AGBL4: variants seen among roughly 807,000 people sequenced by gnomAD.
AGBL4 encodes the protein AGBL carboxypeptidase 4.
A neutral mutation model predicts 66.4 loss-of-function variants in AGBL4; 58 were observed. That is an observed-to-expected ratio of 0.87 (90% CI 0.71 to 1.09). The LOEUF (loss-of-function observed/expected upper bound fraction) is 1.09, where lower values mean the gene tolerates loss of function less well. AGBL4 is among the 50% of genes least tolerant of loss of function. The pLI, the probability that AGBL4 is intolerant of heterozygous loss-of-function variation, is 0.00. For synonymous variants in AGBL4, 234 were observed against 222.9 expected, an observed-to-expected ratio of 1.05 and a Z score of -0.44; for missense variants, 579 against 631.0, an observed-to-expected ratio of 0.92 and a Z score of 0.88.
intron 6 of AGBL4, among the ~76,000 whole-genome samples, chr1:48,844,284 A>G (rs1404510674): frequency 6.6e-6 from 1 of 152,132 alleles, no homozygotes; most frequent in Non-Finnish European, 1.5e-5. Context: ...GCTATCCCTC[A>G]GTCCTACATC....
At chr1:49,396,080 G>A (rs1320851430) in intron 3 of AGBL4, among the ~76,000 whole-genome samples, 1 of 151,380 alleles carries the variant, frequency 6.6e-6, no homozygotes, top group African/African-American at 2.4e-5. Context: ...CTGCATCAGA[G>A]TTACTTTTTG....
intron 3 of AGBL4, among the ~76,000 whole-genome samples, chr1:49,654,660 C>G (rs1347561885): frequency 6.6e-6 from 1 of 152,136 alleles, no homozygotes; most frequent in Non-Finnish European, 1.5e-5. Flanking sequence ...TTGAATTGAT[C>G]GCTTTATCAT....
intron 3 of AGBL4, among the ~76,000 whole-genome samples, chr1:49,359,866 G>T (rs569685344): frequency 2.6e-5 from 4 of 151,936 alleles, no homozygotes; most frequent in Admixed American, 2.0e-4. Context: ...ATCCTGGTTC[G>T]CCCAGAACCG....
At chr1:49,408,681 C>CT (rs1270955107) in intron 3 of AGBL4, among the ~76,000 whole-genome samples, 1 of 152,216 alleles carries the variant, frequency 6.6e-6, no homozygotes, top group Non-Finnish European at 1.5e-5. Context: ...ACATCAGACT[C>CT]TGAGTTCTTC....
At position 48,654,796 on chromosome 1, in the gene AGBL4, T is replaced by C. The variant is rs149215567; in HGVS notation, c.725-1345A>G. 5.9e-5 allele frequency among the ~76,000 whole-genome samples: 9 copies of C among 152,326 alleles called. No homozygotes were observed. The East Asian group carries it at 1.5e-3, about 26-fold the overall frequency. ...TCATTAGGCCAGGGCTGAGAATCCATAGGCAGCTGAAAGCCAGTTGGACAT... is the reference window on the plus strand; with the variant it reads ...TCATTAGGCCAGGGCTGAGAATCCACAGGCAGCTGAAAGCCAGTTGGACAT... On this transcript the variant is annotated intron_variant, in intron 7 of 13. Transcript: ENST00000371839.
At chr1:48,682,497 C>CT (rs2148481427) in intron 6 of AGBL4, among the ~76,000 whole-genome samples, 1 of 152,036 alleles carries the variant, frequency 6.6e-6, no homozygotes, top group African/African-American at 2.4e-5. Context: ...CAGCCTCAAC[C>CT]TCCTGAGCTC....
At chr1:49,657,386 T>G (rs1226847635) in intron 3 of AGBL4, among the ~76,000 whole-genome samples, 1 of 152,192 alleles carries the variant, frequency 6.6e-6, no homozygotes, top group African/African-American at 2.4e-5. Context: ...GAACATTCCA[T>G]GCTCACGGAT....
At chr1:48,921,236 G>A (rs1199947300) in intron 5 of AGBL4, among the ~76,000 whole-genome samples, 1 of 152,202 alleles carries the variant, frequency 6.6e-6, no homozygotes, top group Non-Finnish European at 1.5e-5. Context: ...ACTGGCATGT[G>A]AGGAAGCAGG....
At chr1:49,300,858 T>C (rs1327259849) in intron 3 of AGBL4, among the ~76,000 whole-genome samples, 2 of 152,192 alleles carry the variant, frequency 1.3e-5, no homozygotes, top group African/African-American at 4.8e-5. Context: ...TCCTCATAAC[T>C]TCACTTTGGT....
At chr1:49,063,854 CTG>C (rs370170842) in intron 4 of AGBL4, among the ~76,000 whole-genome samples, 406 of 152,330 alleles carry the variant, frequency 2.7e-3, no homozygotes, top group Non-Finnish European at 4.0e-3. Flanking sequence ...CCTGTTGCTT[CTG>C]TTCCTCCAGG....
intron 3 of AGBL4, among the ~76,000 whole-genome samples, chr1:49,344,179 T>C (rs1365581255): frequency 6.6e-6 from 1 of 152,166 alleles, no homozygotes; most frequent in Admixed American, 6.5e-5. Context: ...CTTACCAGGT[T>C]TTCCACCAAA....
chr1:48,776,841 C>CG, intron 6 of AGBL4: 2 of 1,397,350 alleles, frequency 1.4e-6, no homozygotes, highest in Non-Finnish European at 9.4e-7. Flanking sequence ...TGGTGGGCGC[C>CG]GGGGGCGGGC....
chr1:49,568,245 T>C (rs962938071), intron 3 of AGBL4, among the ~76,000 whole-genome samples: 1 of 152,158 alleles, frequency 6.6e-6, no homozygotes, highest in Non-Finnish European at 1.5e-5. Flanking sequence ...GAAAACTGCA[T>C]AGTCTTGGAC....
intron 6 of AGBL4, among the ~76,000 whole-genome samples, chr1:48,813,745 T>C (rs759103397): frequency 1.3e-5 from 2 of 152,056 alleles, no homozygotes; most frequent in Non-Finnish European, 2.9e-5. Context: ...TGGAGCAGAA[T>C]TGGGTAAGGT....
chr1:49,638,277 A>G (rs1228889329), intron 3 of AGBL4, among the ~76,000 whole-genome samples: 1 of 152,160 alleles, frequency 6.6e-6, no homozygotes, highest in Admixed American at 6.6e-5. Context: ...AAAATAATAT[A>G]TATTTCATAA....
intron 6 of AGBL4, among the ~76,000 whole-genome samples, chr1:48,768,050 C>A (rs1570597106): frequency 6.6e-6 from 1 of 152,168 alleles, no homozygotes; most frequent in Non-Finnish European, 1.5e-5. Flanking sequence ...ACATAAATAG[C>A]AGAGCCAACA....
intron 11 of AGBL4, among the ~76,000 whole-genome samples, chr1:48,583,490 A>G (rs1445255235): frequency 1.3e-5 from 2 of 152,220 alleles, no homozygotes; most frequent in African/African-American, 4.8e-5. Context: ...AAACCCAGAT[A>G]TGTCTGAATC....
intron 2 of AGBL4, among the ~76,000 whole-genome samples, chr1:49,836,732 T>C (rs1571680488): frequency 6.6e-6 from 1 of 152,224 alleles, no homozygotes; most frequent in Admixed American, 6.5e-5. Flanking sequence ...CTTTGGTCTT[T>C]GACGTTGGTG....
At chr1:49,567,367 A>G (rs1029512146) in intron 3 of AGBL4, among the ~76,000 whole-genome samples, 2 of 152,194 alleles carry the variant, frequency 1.3e-5, no homozygotes, top group African/African-American at 4.8e-5. Flanking sequence ...TTGGAAATGC[A>G]GAAATCACCC....
Sources: gnomAD v4.1 joint callset for allele counts (sites outside exome capture counted in the v4.1 genomes callset) on GRCh38, gnomAD v4.1.1 for gene constraint, MANE v1.5 for transcripts, NCBI Gene and HGNC (gene_info 2026-07-23, HGNC 2026-07-21) for gene names.